The following C12orf42 variants were observed in gnomAD, a reference collection of about 807,000 sequenced individuals.
The protein encoded by C12orf42 is chromosome 12 open reading frame 42.
A neutral mutation model predicts 21.6 loss-of-function variants in C12orf42; 25 were observed. The observed-to-expected ratio is 1.16, with a 90% CI of 0.84 to 1.62. C12orf42 has a LOEUF of 1.62. C12orf42 is among the 40% of genes most tolerant of loss of function. C12orf42 has a pLI of 0.00. For missense variants in C12orf42, 483 were observed against 459.3 expected (o/e 1.05, Z -0.47); for synonymous variants, 174 against 175.0 (o/e 0.99, Z 0.05).
At chr12:103,407,033 C>T (rs1363868311) in intron 2 of C12orf42, among the ~76,000 whole-genome samples, 2 of 152,076 alleles carry the variant, frequency 1.3e-5, no homozygotes, top group Non-Finnish European at 2.9e-5. Flanking sequence ...AATTTTTATC[C>T]TTATTTTGTA....
intron 4 of C12orf42, among the ~76,000 whole-genome samples, chr12:103,286,281 TAAATAAATAAATAAAGTAA>T (rs1328784894): frequency 2.7e-5 from 4 of 148,148 alleles, no homozygotes; most frequent in African/African-American, 9.8e-5. Context: ...AATAAATAAA[TAAATAAATAAATAAAGTAA>T]AAATAAATAA....
At chr12:103,469,806 G>C (rs1357987359) in intron 2 of C12orf42, among the ~76,000 whole-genome samples, 2 of 152,204 alleles carry the variant, frequency 1.3e-5, no homozygotes, top group African/African-American at 2.4e-5. Flanking sequence ...CGTGGTAGGA[G>C]AGGCCTTTAT....
At chr12:103,527,688 T>C in the C12orf42 span, among the ~76,000 whole-genome samples, 2 of 152,136 alleles carry the variant, frequency 1.3e-5, no homozygotes, top group African/African-American at 4.8e-5. Context: ...CCAGTTAGGC[T>C]TGCAGCCTCT....
chr12:103,120,880 C>T, the C12orf42 span, among the ~76,000 whole-genome samples: 1 of 151,700 alleles, frequency 6.6e-6, no homozygotes, highest in African/African-American at 2.4e-5. Flanking sequence ...TAGTAGAATA[C>T]TCACAGATTG....
Position 103,416,115 on chromosome 12 carries a change from T to C in C12orf42, c.79-14440A>G, listed in dbSNP as rs892374493. 3.9e-5 allele frequency among the ~76,000 whole-genome samples: 6 copies of C among 152,030 alleles called. No homozygotes were observed. The East Asian group carries it at 7.7e-4, about 20-fold the overall frequency. ...AACTTGTGCAACACATGGGTCTGTGTGCTAGGTGTCATTTTGGTTGCTTGT... is the reference window on the plus strand; with the variant it reads ...AACTTGTGCAACACATGGGTCTGTGCGCTAGGTGTCATTTTGGTTGCTTGT... On this transcript the variant is annotated intron_variant, in intron 2 of 5. Transcript: ENST00000548883.
the C12orf42 span, among the ~76,000 whole-genome samples, chr12:103,188,995 T>G: frequency 6.6e-6 from 1 of 152,232 alleles, no homozygotes; most frequent in Non-Finnish European, 1.5e-5. Context: ...TTAATATCAC[T>G]TTAGCATTTG....
intron 4 of C12orf42, among the ~76,000 whole-genome samples, chr12:103,290,533 G>C (rs1262796085): frequency 6.6e-6 from 1 of 152,132 alleles, no homozygotes; most frequent in Non-Finnish European, 1.5e-5. Context: ...TGATCTCAAA[G>C]AATTCAGCTT....
chr12:103,432,612 C>T (rs1323450999), intron 2 of C12orf42, among the ~76,000 whole-genome samples: 2 of 152,176 alleles, frequency 1.3e-5, no homozygotes, highest in South Asian at 2.1e-4. Context: ...TGAATTGTGC[C>T]TCTCTCCCAA....
At chr12:103,361,274 G>T (rs1323395328) in intron 4 of C12orf42, among the ~76,000 whole-genome samples, 2 of 152,102 alleles carry the variant, frequency 1.3e-5, no homozygotes, top group Non-Finnish European at 2.9e-5. Context: ...GAACCTCAAG[G>T]TCTAGATTAA....
chr12:103,118,749 G>C, the C12orf42 span, among the ~76,000 whole-genome samples: 1 of 114,912 alleles, frequency 8.7e-6, no homozygotes, highest in Non-Finnish European at 1.6e-5. Flanking sequence ...AGTGAGCTGA[G>C]ATTGCGCCAT....
At chr12:103,563,491 T>C in the C12orf42 span, among the ~76,000 whole-genome samples, 1 of 152,244 alleles carries the variant, frequency 6.6e-6, no homozygotes, top group Non-Finnish European at 1.5e-5. Flanking sequence ...CTCTTTGTGA[T>C]ACAAAAATAG....
intron 5 of C12orf42, among the ~76,000 whole-genome samples, chr12:103,274,630 T>C (rs572817379): frequency 3.7e-4 from 56 of 152,292 alleles, no homozygotes; most frequent in African/African-American, 1.3e-3. Context: ...CTACTGTTTG[T>C]GTCTGTCTGT....
chr12:103,128,471 T>A, the C12orf42 span, among the ~76,000 whole-genome samples: 291 of 152,280 alleles, frequency 1.9e-3, no homozygotes, highest in African/African-American at 6.8e-3. Flanking sequence ...TTGCAACACA[T>A]TATTTTATTT....
intron 3 of C12orf42, among the ~76,000 whole-genome samples, chr12:103,391,721 G>A (rs1346561339): frequency 6.6e-6 from 1 of 151,160 alleles, no homozygotes; most frequent in Non-Finnish European, 1.5e-5. Flanking sequence ...TATATGATGT[G>A]TGTGTGTGTA....
the C12orf42 span, chr12:103,549,442 T>C: frequency 3.3e-5 from 5 of 152,314 alleles, no homozygotes; most frequent in East Asian, 9.6e-4. Flanking sequence ...CTTCACCAGC[T>C]TTACATGCAC....
At chr12:103,448,814 G>T (rs939366678) in intron 2 of C12orf42, among the ~76,000 whole-genome samples, 7 of 151,716 alleles carry the variant, frequency 4.6e-5, no homozygotes, top group African/African-American at 1.5e-4. Flanking sequence ...GTGGTAAAAA[G>T]AGAACACTTT....
chr12:103,052,541 C>T, the C12orf42 span, among the ~76,000 whole-genome samples: 1 of 151,798 alleles, frequency 6.6e-6, no homozygotes, highest in Non-Finnish European at 1.5e-5. Context: ...TATTCTGATT[C>T]AAAGGAGTTA....
chr12:103,073,944 A>T, the C12orf42 span, among the ~76,000 whole-genome samples: 1 of 152,144 alleles, frequency 6.6e-6, no homozygotes. Context: ...GAGGTTACAC[A>T]GCTAATTCTC....
chr12:103,057,907 T>C, the C12orf42 span, among the ~76,000 whole-genome samples: 1 of 152,052 alleles, frequency 6.6e-6, no homozygotes, highest in Non-Finnish European at 1.5e-5. Flanking sequence ...TAGCAGGAAA[T>C]GGTACCTCAT....
Sources: gnomAD v4.1 joint callset for allele counts (sites outside exome capture counted in the v4.1 genomes callset) on GRCh38, gnomAD v4.1.1 for gene constraint, MANE v1.5 for transcripts, NCBI Gene and HGNC (gene_info 2026-07-23, HGNC 2026-07-21) for gene names.